The following LIN7A variants were observed in gnomAD, a reference collection of about 807,000 sequenced individuals.
The protein encoded by LIN7A is protein lin-7 homolog A.
Under a neutral mutation model 29.8 loss-of-function variants are expected in LIN7A, and 25 were observed. That is an observed-to-expected ratio of 0.84 (90% CI 0.61 to 1.17). The LOEUF (loss-of-function observed/expected upper bound fraction) is 1.17. LIN7A is among the 50% of genes most tolerant of loss of function. LIN7A has a pLI of 0.00. For missense variants in LIN7A, 239 were observed against 287.0 expected (o/e 0.83, Z 1.21); for synonymous variants, 118 against 107.5 (o/e 1.10, Z -0.60).
At chr12:80,902,217 G>T (rs1242366128) in intron 1 of LIN7A, among the ~76,000 whole-genome samples, 55 of 125,622 alleles carry the variant, frequency 4.4e-4, no homozygotes, top group African/African-American at 1.3e-3. Flanking sequence ...TGGTCTATGT[G>T]TTTTTTTTTT....
At chr12:80,898,778 C>T (rs1876042327) in intron 1 of LIN7A, among the ~76,000 whole-genome samples, 1 of 152,036 alleles carries the variant, frequency 6.6e-6, no homozygotes, top group South Asian at 2.1e-4. Flanking sequence ...TGATGTGGCT[C>T]TCAGCTTGAA....
intron 5 of LIN7A, among the ~76,000 whole-genome samples, chr12:80,807,078 T>TTTTTTTTTTGTTG (rs1592848521): frequency 7.0e-5 from 8 of 115,094 alleles, no homozygotes; most frequent in African/African-American, 2.0e-4. Flanking sequence ...TTTTTTTTTT[T>TTTTTTTTTTGTTG]TTTTTTTTTT....
At chr12:80,889,220 G>T in intron 2 of LIN7A, 31 bp downstream of exon 2, 1 of 1,155,422 alleles carries the variant, frequency 8.7e-7, no homozygotes, top group Non-Finnish European at 1.3e-6. Context: ...ACATATGGCT[G>T]AATTTAGTTA....
chr12:80,888,774 G>T (rs534492180), intron 2 of LIN7A, among the ~76,000 whole-genome samples: 2 of 152,214 alleles, frequency 1.3e-5, no homozygotes, highest in South Asian at 4.1e-4. Flanking sequence ...GTCAAGAAAG[G>T]ATTACAATGT....
chr12:80,904,006 T>A (rs1476979070), intron 1 of LIN7A, among the ~76,000 whole-genome samples: 1 of 152,142 alleles, frequency 6.6e-6, no homozygotes, highest in Non-Finnish European at 1.5e-5. Flanking sequence ...TTTAGATATT[T>A]TTCTGTGTTT....
chr12:80,849,009 G>T (rs950179075), intron 2 of LIN7A, among the ~76,000 whole-genome samples: 2 of 152,074 alleles, frequency 1.3e-5, no homozygotes, highest in African/African-American at 4.8e-5. Flanking sequence ...TTTTTGACTG[G>T]CTCATAATTT....
intron 4 of LIN7A, among the ~76,000 whole-genome samples, chr12:80,822,019 C>T (rs1263274317): frequency 6.6e-6 from 1 of 152,114 alleles, no homozygotes; most frequent in African/African-American, 2.4e-5. Context: ...TGGGCACTAA[C>T]GAGCCCAAAG....
At chr12:80,817,110 G>C (rs933572820) in intron 4 of LIN7A, among the ~76,000 whole-genome samples, 18 of 152,070 alleles carry the variant, frequency 1.2e-4, no homozygotes, top group African/African-American at 4.3e-4. Flanking sequence ...TCATTCAATA[G>C]TTTTACTATT....
chr12:80,820,242 T>A (rs1371638950), intron 4 of LIN7A, among the ~76,000 whole-genome samples: 1 of 151,896 alleles, frequency 6.6e-6, no homozygotes, highest in Non-Finnish European at 1.5e-5. Context: ...AATCATCAAA[T>A]AACTAAACAC....
At chr12:80,920,739 A>T (rs924636816) in intron 1 of LIN7A, among the ~76,000 whole-genome samples, 1 of 152,234 alleles carries the variant, frequency 6.6e-6, no homozygotes, top group East Asian at 1.9e-4. Flanking sequence ...AAGCTCTGAA[A>T]ATAATGGAGA....
intron 4 of LIN7A, chr12:80,841,827 A>G (rs1592884687): frequency 4.3e-6 from 4 of 928,306 alleles, no homozygotes; most frequent in South Asian, 4.0e-5. Context: ...ACACTTGAGC[A>G]TAAAAGGGTG....
chr12:80,824,588 T>TCAAGG (rs1871968293), intron 4 of LIN7A, among the ~76,000 whole-genome samples: 3 of 152,184 alleles, frequency 2.0e-5, no homozygotes, highest in African/African-American at 7.2e-5. Flanking sequence ...CCAATATCCT[T>TCAAGG]GATGAACATA....
intron 1 of LIN7A, among the ~76,000 whole-genome samples, chr12:80,926,455 A>T (rs1438462416): frequency 6.6e-6 from 1 of 152,168 alleles, no homozygotes; most frequent in Non-Finnish European, 1.5e-5. Flanking sequence ...AGGATCATTG[A>T]TTTGTGCATA....
intron 2 of LIN7A, among the ~76,000 whole-genome samples, chr12:80,883,708 G>T (rs1875185367): frequency 6.6e-6 from 1 of 152,212 alleles, no homozygotes; most frequent in South Asian, 2.1e-4. Flanking sequence ...ATCAGTGCAA[G>T]ACTGGTGGTA....
At chr12:80,884,356 G>T (rs1375335238) in intron 2 of LIN7A, among the ~76,000 whole-genome samples, 1 of 152,148 alleles carries the variant, frequency 6.6e-6, no homozygotes, top group Non-Finnish European at 1.5e-5. Flanking sequence ...TCTAAGTCTT[G>T]GAGATTTAGA....
At chr12:80,853,928 A>G (rs577435343) in intron 2 of LIN7A, among the ~76,000 whole-genome samples, 17 of 152,098 alleles carry the variant, frequency 1.1e-4, no homozygotes, top group South Asian at 2.1e-4. Context: ...TCCTGACCTC[A>G]AGTGATCCGA....
At chr12:80,844,857 C>T (rs1872985935) in intron 4 of LIN7A, among the ~76,000 whole-genome samples, 1 of 152,036 alleles carries the variant, frequency 6.6e-6, no homozygotes, top group Admixed American at 6.5e-5. Context: ...AAAACGAAAG[C>T]ATATATTATG....
intron 2 of LIN7A, among the ~76,000 whole-genome samples, chr12:80,879,755 G>C (rs565924079): frequency 5.0e-4 from 75 of 148,808 alleles, no homozygotes; most frequent in African/African-American, 1.8e-3. Context: ...TTTTTCATCT[G>C]TTTTAATAGC....
chr12:80,858,847 G>C (rs1873731271), intron 2 of LIN7A, among the ~76,000 whole-genome samples: 1 of 152,042 alleles, frequency 6.6e-6, no homozygotes, highest in Non-Finnish European at 1.5e-5. Flanking sequence ...AGTTTGCAAG[G>C]GTTGTAAAAT....
Sources: gnomAD v4.1 joint callset for allele counts (sites outside exome capture counted in the v4.1 genomes callset) on GRCh38, gnomAD v4.1.1 for gene constraint, MANE v1.5 for transcripts, NCBI Gene and HGNC (gene_info 2026-07-23, HGNC 2026-07-21) for gene names.